Variants in IFT43 observed in about 807,000 individuals in gnomAD.
IFT43 encodes the protein intraflagellar transport protein 43 homolog.
IFT43 carries 33 observed loss-of-function variants against 32.3 expected under a neutral mutation model. The observed-to-expected ratio is 1.02, with a 90% CI of 0.77 to 1.37. The LOEUF is 1.37. Among genes scored for constraint, IFT43 ranks in the 40% most tolerant of loss-of-function variants. IFT43 has a pLI of 0.00. For synonymous variants in IFT43, 93 were observed against 98.2 expected (o/e 0.95, Z 0.31); for missense variants, 274 against 265.9 (o/e 1.03, Z -0.21).
chr14:76,054,403 G>T (rs2036971584), intron 3 of IFT43, among the ~76,000 whole-genome samples: 1 of 152,206 alleles, frequency 6.6e-6, no homozygotes, highest in South Asian at 2.1e-4. Flanking sequence ...ATCTTCCTTT[G>T]AAAAGGCTTG....
At chr14:76,006,271 G>A (rs1176750267) in intron 2 of IFT43, among the ~76,000 whole-genome samples, 1 of 152,210 alleles carries the variant, frequency 6.6e-6, no homozygotes, top group Non-Finnish European at 1.5e-5. Flanking sequence ...GCAGTGTGCT[G>A]TTTCAAGGGC....
At chr14:76,066,892 C>T (rs2037233089) in intron 5 of IFT43, among the ~76,000 whole-genome samples, 1 of 152,180 alleles carries the variant, frequency 6.6e-6, no homozygotes, top group African/African-American at 2.4e-5. Context: ...AGTCTCCTTC[C>T]ACCACCAGCC....
At chr14:76,078,349 A>G (rs1027532266) in intron 5 of IFT43, among the ~76,000 whole-genome samples, 1 of 152,194 alleles carries the variant, frequency 6.6e-6, no homozygotes, top group African/African-American at 2.4e-5. Flanking sequence ...CCATCATGAA[A>G]TCCAGTTGGT....
chr14:76,057,378 C>T (rs2037038862), intron 3 of IFT43, among the ~76,000 whole-genome samples: 1 of 151,982 alleles, frequency 6.6e-6, no homozygotes. Flanking sequence ...TTACAGGTGC[C>T]CACCACCATA....
At chr14:75,985,908 C>G (rs562410381) in intron 1 of IFT43, 68 bp downstream of exon 1, 11 of 1,587,860 alleles carry the variant, frequency 6.9e-6, no homozygotes, top group South Asian at 6.8e-5. Flanking sequence ...CCCGCCGGCC[C>G]CGACTTCTCT....
chr14:76,036,293 C>T (rs2036596136), intron 3 of IFT43, among the ~76,000 whole-genome samples: 1 of 151,952 alleles, frequency 6.6e-6, no homozygotes, highest in Non-Finnish European at 1.5e-5. Context: ...AATCAAGGTC[C>T]ATATATTGTA....
chr14:76,027,536 C>T (rs1422233813), intron 3 of IFT43, among the ~76,000 whole-genome samples: 7 of 151,970 alleles, frequency 4.6e-5, no homozygotes, highest in African/African-American at 1.7e-4. Flanking sequence ...AGTGAAACCC[C>T]GTCTCTACTA....
chr14:76,051,932 A>G (rs1420808563), intron 3 of IFT43, among the ~76,000 whole-genome samples: 1 of 152,162 alleles, frequency 6.6e-6, no homozygotes, highest in Non-Finnish European at 1.5e-5. Flanking sequence ...AGTTATAGTC[A>G]GAACCATTCA....
At chr14:75,999,256 T>C (rs1337024720) in intron 2 of IFT43, among the ~76,000 whole-genome samples, 2 of 12,150 alleles carry the variant, frequency 1.6e-4, no homozygotes, top group African/African-American at 6.2e-4. Context: ...TATATATATA[T>C]ATATATATAT....
At chr14:76,083,860 G>A (rs1310485341), downstream of IFT43, 2 of 572,694 alleles carry the variant, frequency 3.5e-6, no homozygotes, top group South Asian at 3.1e-5. Flanking sequence ...GCATGTGGGA[G>A]AGTTCGATTC....
intron 1 of IFT43, among the ~76,000 whole-genome samples, chr14:75,988,631 G>A (rs1039839836): frequency 5.9e-5 from 9 of 152,016 alleles, no homozygotes; most frequent in African/African-American, 1.9e-4. Context: ...CGATTCTCCC[G>A]CCTCAGCCTC....
At chr14:76,062,917 CAAAAAAAAAA>C (rs746158153) in intron 5 of IFT43, among the ~76,000 whole-genome samples, 2 of 72,476 alleles carry the variant, frequency 2.8e-5, no homozygotes, top group Admixed American at 2.0e-4. Flanking sequence ...GATCCCATCT[CAAAAAAAAAA>C]AAAAAAAAAA....
intron 5 of IFT43, among the ~76,000 whole-genome samples, chr14:76,075,770 T>C (rs925813991): frequency 7.9e-5 from 12 of 152,230 alleles, no homozygotes; most frequent in African/African-American, 2.9e-4. Context: ...TTTCTTTCAC[T>C]TAACTTCATC....
At chr14:76,003,261 T>C (rs938837997) in intron 2 of IFT43, among the ~76,000 whole-genome samples, 2 of 152,174 alleles carry the variant, frequency 1.3e-5, no homozygotes, top group South Asian at 2.1e-4. Context: ...TTGTTTTTTA[T>C]ACTTTTTTTT....
chr14:76,059,398 A>G, intron 5 of IFT43, 25 bp downstream of exon 5: 1 of 1,611,516 alleles, frequency 6.2e-7, no homozygotes, highest in Non-Finnish European at 8.5e-7. Context: ...GAGGAAGTCA[A>G]AAGGTCTTCT....
intron 3 of IFT43, among the ~76,000 whole-genome samples, chr14:76,047,682 C>T (rs1408955437): frequency 1.3e-5 from 2 of 151,036 alleles, no homozygotes; most frequent in South Asian, 2.1e-4. Context: ...ACTGCCCGCC[C>T]GCCTGCCTGC....
chr14:76,048,009 G>A (rs1343392219), intron 3 of IFT43, among the ~76,000 whole-genome samples: 1 of 152,090 alleles, frequency 6.6e-6, no homozygotes, highest in Non-Finnish European at 1.5e-5. Context: ...GGGAGGTTAA[G>A]TGACACTGAG....
chr14:76,022,826 GTTC>G (rs905667587), intron 3 of IFT43, among the ~76,000 whole-genome samples: 2 of 152,136 alleles, frequency 1.3e-5, no homozygotes, highest in African/African-American at 2.4e-5. Flanking sequence ...AGCATTCTGT[GTTC>G]TTCTTAATTT....
intron 3 of IFT43, 45 bp downstream of exon 3, chr14:76,022,439 G>T (rs1427110162): frequency 2.6e-6 from 3 of 1,133,420 alleles, no homozygotes; most frequent in Non-Finnish European, 4.0e-6. Context: ...GGTGCACACG[G>T]TTGGGGGGAC....
Sources: gnomAD v4.1 joint callset for allele counts (sites outside exome capture counted in the v4.1 genomes callset) on GRCh38, gnomAD v4.1.1 for gene constraint, MANE v1.5 for transcripts, NCBI Gene and HGNC (gene_info 2026-07-23, HGNC 2026-07-21) for gene names.